Variants in RARB observed in about 807,000 individuals in gnomAD.
RARB encodes retinoic acid receptor beta, also known as HBV-activated protein.
In RARB, 17 loss-of-function variants were observed where a neutral mutation model predicts 51.9. The observed-to-expected ratio is 0.33, with a 90% CI of 0.22 to 0.49. RARB has a LOEUF of 0.49. Ranked by LOEUF, RARB falls within the 20% of genes least tolerant of loss-of-function variation. RARB has a pLI of 0.99. For synonymous variants in RARB, 215 were observed against 195.4 expected, an observed-to-expected ratio of 1.10 and a Z score of -0.84; for missense variants, 369 against 550.8, an observed-to-expected ratio of 0.67 and a Z score of 3.30.
In RARB at chr3:25,496,978, G is replaced by A. The variant is rs749334015; in HGVS notation, c.307-4204G>A. 5.6e-4 allele frequency among the ~76,000 whole-genome samples: 86 copies of A among 152,274 alleles called. 1 individual carries two copies. The highest frequency in any genetic ancestry group is 2.5e-3 in the Admixed American group (38 of 15,302). The stretch of plus-strand genomic sequence containing the variant: ...CAGCTCACTGCAACCTCTGCCTCCC[G>A]GGTTCAAGCGATTCTCCTGCCTCAG... On this transcript the variant is annotated intron_variant, in intron 2 of 7. Transcript: ENST00000330688.
chr3:25,205,412 G>A (rs112707433), intron 5 of RARB, among the ~76,000 whole-genome samples: 14,364 of 152,070 alleles, frequency 0.094, 914 homozygotes, highest in Non-Finnish European at 0.14. Flanking sequence ...GCTCACGTTC[G>A]GTGCGCTGCA....
intron 5 of RARB, among the ~76,000 whole-genome samples, chr3:25,584,699 A>G (rs1043600175): frequency 1.2e-4 from 18 of 152,176 alleles, no homozygotes; most frequent in African/African-American, 3.6e-4. Context: ...TTGGTATCCT[A>G]TAGAGTCACT....
intron 5 of RARB, among the ~76,000 whole-genome samples, chr3:25,341,261 C>T (rs1477851484): frequency 1.3e-5 from 2 of 152,148 alleles, no homozygotes; most frequent in Non-Finnish European, 2.9e-5. Flanking sequence ...GAAAGAAGTA[C>T]AGAGGCTGTC....
chr3:25,147,337 G>A (rs1161726182), intron 4 of RARB, among the ~76,000 whole-genome samples: 1 of 152,114 alleles, frequency 6.6e-6, no homozygotes. Flanking sequence ...TGCTAATCCT[G>A]TGAGTTCATC....
At chr3:25,058,768 A>G (rs940708527) in intron 2 of RARB, among the ~76,000 whole-genome samples, 1 of 151,786 alleles carries the variant, frequency 6.6e-6, no homozygotes, top group African/African-American at 2.4e-5. Flanking sequence ...ATTGGATTCC[A>G]TTAAAATGAC....
At chr3:25,542,224 GA>G (rs1699414112) in intron 3 of RARB, among the ~76,000 whole-genome samples, 1 of 152,130 alleles carries the variant, frequency 6.6e-6, no homozygotes, top group Non-Finnish European at 1.5e-5. Context: ...GGTGTTGAAA[GA>G]AGGAGAGCTG....
intron 5 of RARB, among the ~76,000 whole-genome samples, chr3:25,326,783 A>C (rs567457078): frequency 2.0e-5 from 3 of 152,310 alleles, no homozygotes; most frequent in Admixed American, 2.0e-4. Flanking sequence ...GCTGGATGAC[A>C]ATATCAAGAA....
chr3:24,847,542 T>C (rs1424960610), intron 1 of RARB, among the ~76,000 whole-genome samples: 2 of 152,222 alleles, frequency 1.3e-5, no homozygotes, highest in Non-Finnish European at 2.9e-5. Context: ...AATCCCTAAG[T>C]GGCTCTTGAG....
At chr3:25,134,041 C>G (rs1321277595) in intron 4 of RARB, among the ~76,000 whole-genome samples, 1 of 148,108 alleles carries the variant, frequency 6.8e-6, no homozygotes, top group Non-Finnish European at 1.5e-5. Flanking sequence ...ACAATGTGCT[C>G]TTCTATTTTT....
intron 5 of RARB, among the ~76,000 whole-genome samples, chr3:25,356,891 C>T (rs565580076): frequency 6.6e-6 from 1 of 152,138 alleles, no homozygotes; most frequent in Admixed American, 6.6e-5. Context: ...ATATGTGCCA[C>T]ATTTTCTTTA....
At chr3:25,539,235 A>G (rs1376783767) in intron 3 of RARB, among the ~76,000 whole-genome samples, 2 of 152,222 alleles carry the variant, frequency 1.3e-5, no homozygotes, top group East Asian at 1.9e-4. Flanking sequence ...TGGCAGACAC[A>G]TCAGTTACCA....
chr3:25,271,624 G>T (rs777577946), intron 5 of RARB, among the ~76,000 whole-genome samples: 1 of 152,158 alleles, frequency 6.6e-6, no homozygotes, highest in Non-Finnish European at 1.5e-5. Flanking sequence ...ACTCTTGGGA[G>T]CATCTGAGAG....
chr3:24,979,761 T>C (rs1264119937), intron 2 of RARB, among the ~76,000 whole-genome samples: 1 of 152,170 alleles, frequency 6.6e-6, no homozygotes, highest in East Asian at 1.9e-4. Flanking sequence ...TTGGGACATT[T>C]AACCCATTTT....
At chr3:25,279,653 A>G (rs1703474729) in intron 5 of RARB, among the ~76,000 whole-genome samples, 1 of 152,178 alleles carries the variant, frequency 6.6e-6, no homozygotes, top group East Asian at 1.9e-4. Context: ...AGAAAATGGT[A>G]AAGAAAGTTA....
rs1341478608 is a variant in RARB at position 25,428,445 on chromosome 3, T to C, written c.-287T>C. 6.3e-6 allele frequency: 8 copies of C among 1,263,626 alleles called. No homozygotes were observed. The highest frequency in any genetic ancestry group is 8.0e-6 in the Non-Finnish European group (8 of 1,006,124). 78.3% of individuals were successfully genotyped at this position (1,263,626 alleles called of 1,614,324 possible). ...ATCCGGAACGCATTCGGAAGGCTTTTTGCAAGCATTTACTTGGAAGGAGAA... is the reference window on the plus strand; with the variant it reads ...ATCCGGAACGCATTCGGAAGGCTTTCTGCAAGCATTTACTTGGAAGGAGAA... On this transcript the variant is annotated 5_prime_UTR_variant, in exon 1 of 8. Coordinates refer to ENST00000330688, the MANE Select transcript of RARB (RefSeq NM_000965.5).
chr3:24,953,500 A>G (rs978934307), intron 2 of RARB, among the ~76,000 whole-genome samples: 7 of 152,148 alleles, frequency 4.6e-5, no homozygotes, highest in Non-Finnish European at 1.0e-4. Flanking sequence ...ACTTTCTTAC[A>G]TTGTGTTCAC....
intron 2 of RARB, among the ~76,000 whole-genome samples, chr3:24,867,591 C>T (rs1271588881): frequency 3.3e-5 from 5 of 152,106 alleles, no homozygotes; most frequent in African/African-American, 1.2e-4. Context: ...ATTACTTACC[C>T]TTCTGTAGGG....
chr3:24,878,297 T>C (rs1703088073), intron 2 of RARB, among the ~76,000 whole-genome samples: 1 of 152,202 alleles, frequency 6.6e-6, no homozygotes, highest in Middle Eastern at 3.4e-3. Flanking sequence ...GTCCCACATA[T>C]AGCACGCAAT....
At chr3:25,301,005 A>C (rs1234301708) in intron 5 of RARB, among the ~76,000 whole-genome samples, 2 of 152,066 alleles carry the variant, frequency 1.3e-5, no homozygotes, top group Non-Finnish European at 2.9e-5. Flanking sequence ...TCAAAACAAA[A>C]ATCTCTGATT....
Sources: allele counts gnomAD v4.1 joint callset (sites outside exome capture counted in the v4.1 genomes callset), GRCh38; gene constraint gnomAD v4.1.1; transcripts MANE v1.5; gene names NCBI Gene and HGNC (gene_info 2026-07-23, HGNC 2026-07-21).